The following OTOGL variants were observed in gnomAD, a reference collection of about 807,000 sequenced individuals.
OTOGL encodes otogelin like.
A neutral mutation model predicts 318.5 loss-of-function variants in OTOGL; 285 were observed. The observed-to-expected ratio is 0.89, with a 90% confidence interval of 0.81 to 0.99. The LOEUF (loss-of-function observed/expected upper bound fraction) is 0.99. OTOGL is among the 50% of genes least tolerant of loss of function. The pLI, the probability that OTOGL is intolerant of heterozygous loss-of-function variation, is 0.00. For missense variants in OTOGL, 2,899 were observed against 2,845.6 expected (o/e 1.02, Z -0.43); for synonymous variants, 987 against 936.5 (o/e 1.05, Z -0.99).
chr12:80,212,058 G>A, intron 4 of OTOGL, 61 bp downstream of exon 4: 1 of 1,449,618 alleles, frequency 6.9e-7, no homozygotes, highest in Non-Finnish European at 9.4e-7. Context: ...TTTGGACTCT[G>A]CTGTCACTTC....
chr12:80,176,470 C>T (rs746145186), intron 1 of OTOGL, among the ~76,000 whole-genome samples: 1 of 152,050 alleles, frequency 6.6e-6, no homozygotes, highest in Non-Finnish European at 1.5e-5. Context: ...GATTAGTTTG[C>T]ATTTTCTAGG....
At chr12:80,201,217 GT>G (rs1346681948) in intron 1 of OTOGL, among the ~76,000 whole-genome samples, 2 of 152,124 alleles carry the variant, frequency 1.3e-5, no homozygotes, top group Non-Finnish European at 2.9e-5. Context: ...GTGTTGGTCT[GT>G]TTTGCATTTT....
In OTOGL at chr12:80,302,652, C is replaced by T; in HGVS notation, c.3082C>T (p.Leu1028=). ...PYKQKQSGFF[L]ENKSTYQLWK... ...TTTTAAGAAACAATCAGGTTTTTTT[C>T]TGGAAAACAAATCTACCTACCAGCT... is the stretch of plus-strand genomic sequence containing the variant. The change falls in exon 28 of 59, where the codon CTG becomes TTG. Residue 1028 remains leucine, a synonymous_variant. Transcript: ENST00000547103. The T allele has an allele frequency of 7.3e-7, 1 of 1,376,424 alleles. No homozygotes were observed. The highest frequency in any genetic ancestry group is 9.4e-7 in the Non-Finnish European group (1 of 1,061,840). The allele number at this position is 1,376,424 out of a possible 1,614,324, so 85.3% of individuals were successfully genotyped here.
intron 1 of OTOGL, among the ~76,000 whole-genome samples, chr12:80,125,412 T>C (rs1210863103): frequency 6.6e-6 from 1 of 152,178 alleles, no homozygotes; most frequent in Non-Finnish European, 1.5e-5. Flanking sequence ...TGGATAAGCT[T>C]TTTGATGTGC....
At chr12:80,195,729 C>T (rs1489737301) in intron 1 of OTOGL, among the ~76,000 whole-genome samples, 1 of 152,120 alleles carries the variant, frequency 6.6e-6, no homozygotes, top group African/African-American at 2.4e-5. Flanking sequence ...GGAGCCAGCT[C>T]CTGGTGGCTC....
At chr12:80,327,564 A>G (rs933492134) in intron 35 of OTOGL, among the ~76,000 whole-genome samples, 1 of 152,058 alleles carries the variant, frequency 6.6e-6, no homozygotes, top group African/African-American at 2.4e-5. Flanking sequence ...AATAACAGGC[A>G]GGGAGAGCCA....
At chr12:80,249,451 G>T (rs1387579786) in intron 11 of OTOGL, among the ~76,000 whole-genome samples, 1 of 151,418 alleles carries the variant, frequency 6.6e-6, no homozygotes. Flanking sequence ...GCCCCTGCTG[G>T]GGGGTGCCTC....
intron 29 of OTOGL, 56 bp downstream of exon 29, chr12:80,305,751 C>T: frequency 1.5e-6 from 2 of 1,296,826 alleles, no homozygotes; most frequent in Non-Finnish European, 2.0e-6. Context: ...AATATTTTTT[C>T]ACTAGAACAT....
intron 26 of OTOGL, 119 bp from the exon 27 acceptor site, chr12:80,296,703 GAGGTA>G (rs1885421437): frequency 1.6e-6 from 1 of 625,534 alleles, no homozygotes; most frequent in South Asian, 6.3e-5. Flanking sequence ...TTTTATTTTA[GAGGTA>G]AGTTGTTTTT....
intron 14 of OTOGL, among the ~76,000 whole-genome samples, chr12:80,253,795 C>A (rs1253565938): frequency 6.6e-6 from 1 of 152,048 alleles, no homozygotes; most frequent in Non-Finnish European, 1.5e-5. Flanking sequence ...CATCTTATAT[C>A]CACATAATGA....
At chr12:80,109,341 T>G (rs1022313762) in intron 1 of OTOGL, among the ~76,000 whole-genome samples, 5 of 152,160 alleles carry the variant, frequency 3.3e-5, no homozygotes, top group African/African-American at 1.2e-4. Context: ...TTTCTCTATT[T>G]GTTATTGTAT....
intron 52 of OTOGL, among the ~76,000 whole-genome samples, chr12:80,365,196 T>C (rs1476925852): frequency 6.6e-6 from 1 of 152,034 alleles, no homozygotes; most frequent in Non-Finnish European, 1.5e-5. Context: ...CATAAAAACT[T>C]ATACTCGAAT....
Position 80,291,641 on chromosome 12 carries a change from G to T in OTOGL, c.2929-5186G>T, listed in dbSNP as rs12299539. Among the ~76,000 whole-genome samples the T allele has an allele frequency of 5.3e-3, 814 of 152,298 alleles. 4 individuals are homozygous for T. The highest frequency in any genetic ancestry group is 0.019 in the African/African-American group (787 of 41,566). ...CAAGGTGTCAGGCCAGTCTGTACGAGAGGCTTTGGTCAGCTCTATAATGTC... is the reference window on the plus strand; with the variant it reads ...CAAGGTGTCAGGCCAGTCTGTACGATAGGCTTTGGTCAGCTCTATAATGTC... On this transcript the variant is annotated intron_variant, in intron 26 of 58. Transcript: ENST00000547103.
chr12:80,251,779 G>T lies in OTOGL; in HGVS notation c.1139G>T (p.Arg380Ile). ...GCTGGCTACCCTATTCAAGACTGGA[G>T]AGATGACTTTCCAGCATGCAGTATG... ...SHAGYPIQDWRDDFPACTDKC... is the reference protein window; with the variant it reads ...SHAGYPIQDWIDDFPACTDKC... Residue 380 changes from arginine (R) to isoleucine (I), a missense_variant, in exon 12 of 59, where the codon AGA becomes ATA. Around this residue, in one of 3 missense-constraint regions of OTOGL, gnomAD observed 2,607 missense variants for 2,524.9 expected, o/e 1.03. Transcript: ENST00000547103. 1 of 1,583,626 alleles carries T rather than the reference G, an allele frequency of 6.3e-7. No individual in the cohort carries two copies. The highest frequency in any genetic ancestry group is 8.6e-7 in the Non-Finnish European group (1 of 1,163,360).
chr12:80,263,476 C>A lies in OTOGL; in HGVS notation c.2014+1383C>A, dbSNP rs561448797. Among the ~76,000 whole-genome samples, 6 of 151,998 alleles carry A rather than the reference C, an allele frequency of 3.9e-5. No homozygotes were observed. In the South Asian group the frequency reaches 1.0e-3, roughly 26 times the overall value. ...TTCTATCACTTTTCTTCCCATATCC[C>A]ATGTCTTTTAAATATATACATACAC... On this transcript the variant is annotated intron_variant, in intron 19 of 58. Coordinates refer to ENST00000547103, the MANE Select transcript of OTOGL (RefSeq NM_001378609.3).
intron 42 of OTOGL, among the ~76,000 whole-genome samples, chr12:80,337,616 C>T (rs4842280): frequency 6.6e-6 from 1 of 151,634 alleles, no homozygotes; most frequent in Non-Finnish European, 1.5e-5. Flanking sequence ...ATGTGTTTGC[C>T]AAACAGGAGT....
At chr12:80,125,115 T>A (rs1396456585) in intron 1 of OTOGL, among the ~76,000 whole-genome samples, 2 of 152,308 alleles carry the variant, frequency 1.3e-5, no homozygotes, top group Admixed American at 6.5e-5. Context: ...TGTCTTGTGC[T>A]GGTTTTCAAA....
At chr12:80,294,220 G>A (rs964550030) in intron 26 of OTOGL, among the ~76,000 whole-genome samples, 2 of 151,754 alleles carry the variant, frequency 1.3e-5, no homozygotes, top group Admixed American at 1.3e-4. Context: ...GTGACTTTTA[G>A]GTGTATTGCT....
At chr12:80,247,274 C>G (rs1880998422) in intron 11 of OTOGL, among the ~76,000 whole-genome samples, 1 of 148,980 alleles carries the variant, frequency 6.7e-6, no homozygotes, top group South Asian at 2.1e-4. Flanking sequence ...AATTTTGGAT[C>G]TTTCCTGCTT....
Sources: allele counts gnomAD v4.1 joint callset (sites outside exome capture counted in the v4.1 genomes callset), GRCh38; gene constraint gnomAD v4.1.1; regional missense constraint gnomAD v4.1.1; transcripts MANE v1.5; gene names NCBI Gene and HGNC (gene_info 2026-07-23, HGNC 2026-07-21).